DENND1A: variants seen among roughly 807,000 people sequenced by gnomAD.
The protein encoded by DENND1A is DENN domain-containing protein 1A.
Under a neutral mutation model 113.7 loss-of-function variants are expected in DENND1A, and 51 were observed. That is an observed-to-expected ratio of 0.45 (90% CI 0.36 to 0.57). The LOEUF (loss-of-function observed/expected upper bound fraction) is 0.57, where lower values mean the gene tolerates loss of function less well. Among genes scored for constraint, DENND1A ranks in the 20% least tolerant of loss-of-function variants. The probability of loss-of-function intolerance (pLI) is 0.00; values close to 1 mark genes in which losing one functional copy is unlikely to be tolerated. For missense variants in DENND1A, 1,258 were observed against 1,395.9 expected, an observed-to-expected ratio of 0.90 and a Z score of 1.57; for synonymous variants, 565 against 570.8, an observed-to-expected ratio of 0.99 and a Z score of 0.14.
At chr9:123,480,634 G>C (rs1317448131) in intron 13 of DENND1A, among the ~76,000 whole-genome samples, 1 of 151,994 alleles carries the variant, frequency 6.6e-6, no homozygotes, top group Non-Finnish European at 1.5e-5. Flanking sequence ...CTTCCTCTGG[G>C]GTCCCATAGC....
At chr9:123,657,156 C>T (rs1332753538) in intron 8 of DENND1A, among the ~76,000 whole-genome samples, 1 of 152,186 alleles carries the variant, frequency 6.6e-6, no homozygotes, top group Non-Finnish European at 1.5e-5. Context: ...TCTTGGCTCC[C>T]ACTTCTCATC....
At chr9:123,790,003 G>C (rs539875173) in intron 3 of DENND1A, among the ~76,000 whole-genome samples, 1 of 149,816 alleles carries the variant, frequency 6.7e-6, no homozygotes, top group South Asian at 2.1e-4. Flanking sequence ...GTGTGTGTGT[G>C]TCTGTGTGTC....
At chr9:123,572,566 G>A (rs2058417840) in intron 12 of DENND1A, among the ~76,000 whole-genome samples, 2 of 152,146 alleles carry the variant, frequency 1.3e-5, no homozygotes, top group Non-Finnish European at 1.5e-5. Flanking sequence ...GTACCCTCAT[G>A]ACTAACGATG....
intron 6 of DENND1A, among the ~76,000 whole-genome samples, chr9:123,675,575 T>C (rs1265703970): frequency 6.6e-6 from 1 of 152,158 alleles, no homozygotes; most frequent in East Asian, 1.9e-4. Flanking sequence ...TAATAATGGA[T>C]CACTTTAATT....
At chr9:123,838,436 C>T (rs1055867734) in intron 2 of DENND1A, among the ~76,000 whole-genome samples, 9 of 150,698 alleles carry the variant, frequency 6.0e-5, no homozygotes, top group South Asian at 2.1e-4. Flanking sequence ...GTTACAGCCA[C>T]GAGCTTTGCT....
intron 13 of DENND1A, among the ~76,000 whole-genome samples, chr9:123,499,416 G>A (rs913966492): frequency 6.6e-6 from 1 of 152,224 alleles, no homozygotes; most frequent in Non-Finnish European, 1.5e-5. Context: ...GTTGTGGGGA[G>A]GAGCTAATGT....
intron 19 of DENND1A, chr9:123,414,677 C>T: frequency 6.7e-7 from 1 of 1,490,846 alleles, no homozygotes; most frequent in Non-Finnish European, 9.1e-7. Context: ...TTAAAAAGTC[C>T]TATTTCCCAA....
chr9:123,615,784 A>C (rs753713627), intron 10 of DENND1A, among the ~76,000 whole-genome samples: 10 of 152,234 alleles, frequency 6.6e-5, no homozygotes, highest in Non-Finnish European at 1.5e-4. Flanking sequence ...CCTGTTTCCC[A>C]GAGCCTCCCA....
rs1239373969 is a variant in DENND1A at position 123,582,585 on chromosome 9, G to C, written c.867+584C>G. 3.3e-5 allele frequency among the ~76,000 whole-genome samples: 5 copies of C among 151,924 alleles called. No homozygotes were observed. The East Asian group carries it at 9.7e-4, about 29-fold the overall frequency. On this transcript the variant is annotated intron_variant, in intron 12 of 23. Coordinates refer to ENST00000394215, the MANE Select transcript of DENND1A (RefSeq NM_001352964.2). Reference sequence around the variant, plus strand: ...CAGTTAATTTTTTGTATTTTTAGTAGAGACTGTGTTTCACCATGTTAGCCA... The same window carrying C: ...CAGTTAATTTTTTGTATTTTTAGTACAGACTGTGTTTCACCATGTTAGCCA...
intron 4 of DENND1A, among the ~76,000 whole-genome samples, chr9:123,762,142 G>A (rs996274484): frequency 1.3e-5 from 2 of 152,134 alleles, no homozygotes; most frequent in Non-Finnish European, 2.9e-5. Flanking sequence ...AATCCTCCCT[G>A]GGAAGCTTTC....
At chr9:123,855,840 C>A (rs1444242864) in intron 2 of DENND1A, among the ~76,000 whole-genome samples, 1 of 152,000 alleles carries the variant, frequency 6.6e-6, no homozygotes, top group Non-Finnish European at 1.5e-5. Flanking sequence ...GAGTTCAAGA[C>A]CAGCCTGACC....
At chr9:123,447,822 C>G (rs2132575507) in intron 18 of DENND1A, among the ~76,000 whole-genome samples, 1 of 151,464 alleles carries the variant, frequency 6.6e-6, no homozygotes, top group South Asian at 2.1e-4. Flanking sequence ...ATATTTTCTA[C>G]TGCTATGTGA....
intron 13 of DENND1A, among the ~76,000 whole-genome samples, chr9:123,537,903 G>A (rs1209410980): frequency 1.3e-5 from 2 of 152,184 alleles, no homozygotes; most frequent in Admixed American, 6.5e-5. Flanking sequence ...TTTCCTAGGG[G>A]ATTTACCAGG....
rs1461527926 is a variant in DENND1A at position 123,380,486 on chromosome 9, T to C, written c.*946A>G. ...AAGGGGCTCAGGGCCACTGCCTCGT[T>C]CCAACCCAGGAAGGCCAGCTGCCTT... On this transcript the variant is annotated 3_prime_UTR_variant, in exon 24 of 24. Coordinates refer to ENST00000394215, the MANE Select transcript of DENND1A (RefSeq NM_001352964.2). 6.6e-6 allele frequency: 1 copy of C among 152,436 alleles called. No individual in the cohort carries two copies. The highest frequency in any genetic ancestry group is 2.4e-5 in the African/African-American group (1 of 41,448). 9.4% of individuals were successfully genotyped at this position (152,436 alleles called of 1,614,324 possible).
intron 1 of DENND1A, among the ~76,000 whole-genome samples, chr9:123,913,288 C>T (rs1338329252): frequency 1.3e-5 from 2 of 152,220 alleles, no homozygotes; most frequent in East Asian, 3.9e-4. Flanking sequence ...GCTACTGGGG[C>T]TATCTCCTAT....
chr9:123,926,180 G>A (rs1273125006), intron 1 of DENND1A, among the ~76,000 whole-genome samples: 2 of 152,182 alleles, frequency 1.3e-5, no homozygotes, highest in Non-Finnish European at 2.9e-5. Flanking sequence ...GTAACATTTA[G>A]GTTTCCAGGG....
intron 1 of DENND1A, among the ~76,000 whole-genome samples, chr9:123,902,410 T>C (rs761032560): frequency 6.6e-5 from 10 of 152,218 alleles, no homozygotes; most frequent in Non-Finnish European, 1.5e-4. Context: ...GTGGTGCAAA[T>C]GCCTGCTAGT....
chr9:123,928,906 T>A (rs559687927), intron 1 of DENND1A: 1 of 985,482 alleles, frequency 1.0e-6, no homozygotes, highest in East Asian at 1.1e-4. Flanking sequence ...AAGCCTATGC[T>A]GTCAACTTTG....
intron 5 of DENND1A, among the ~76,000 whole-genome samples, chr9:123,718,740 G>C (rs987875017): frequency 2.0e-5 from 3 of 152,184 alleles, no homozygotes; most frequent in Admixed American, 6.5e-5. Flanking sequence ...TGGAACTACA[G>C]ACTCTGTTGG....
Sources: allele counts gnomAD v4.1 joint callset (sites outside exome capture counted in the v4.1 genomes callset), GRCh38; gene constraint gnomAD v4.1.1; transcripts MANE v1.5; gene names NCBI Gene and HGNC (gene_info 2026-07-23, HGNC 2026-07-21).